DRC11: variants seen among roughly 807,000 people sequenced by gnomAD.
DRC11 encodes IQ and AAA domain-containing protein 1.
At chr2:236,344,243 C>T in the DRC11 span, among the ~76,000 whole-genome samples, 1 of 152,160 alleles carries the variant, frequency 6.6e-6, no homozygotes, top group African/African-American at 2.4e-5. Context: ...CTAATAATAA[C>T]TCCTATGTGT....
chr2:236,477,661 G>C, the DRC11 span, among the ~76,000 whole-genome samples: 2 of 152,116 alleles, frequency 1.3e-5, no homozygotes, highest in Non-Finnish European at 2.9e-5. Flanking sequence ...AATCCATCAG[G>C]TCCTGGGCTT....
At chr2:236,404,073 C>T in the DRC11 span, among the ~76,000 whole-genome samples, 2 of 151,358 alleles carry the variant, frequency 1.3e-5, no homozygotes, top group Non-Finnish European at 2.9e-5. Context: ...CTAGCCATGA[C>T]CCGAGTTCTG....
chr2:236,313,519 G>A, the DRC11 span, among the ~76,000 whole-genome samples: 1 of 152,118 alleles, frequency 6.6e-6, no homozygotes, highest in Admixed American at 6.5e-5. The surrounding 1 kb of genome is among the most constrained non-coding windows in gnomAD (Gnocchi z 4.5). Context: ...TTCTTATAAA[G>A]CTAAACATAC....
At chr2:236,344,619 C>T in the DRC11 span, 5 of 1,613,696 alleles carry the variant, frequency 3.1e-6, no homozygotes, top group South Asian at 3.3e-5. Context: ...ATCCACACCA[C>T]GGAGGGCTGG....
the DRC11 span, among the ~76,000 whole-genome samples, chr2:236,463,903 T>C: frequency 2.6e-5 from 4 of 152,310 alleles, no homozygotes; most frequent in East Asian, 7.7e-4. This position sits in a 1 kb window ranked among gnomAD's most constrained non-coding sequence, Gnocchi z 5.0. Context: ...GTCGAGGGGA[T>C]CCACTTCCAA....
the DRC11 span, among the ~76,000 whole-genome samples, chr2:236,432,847 GT>G: frequency 6.6e-6 from 1 of 151,942 alleles, no homozygotes; most frequent in Non-Finnish European, 1.5e-5. Context: ...CCATTCTGAG[GT>G]TATGACATAT....
At chr2:236,316,193 C>G in the DRC11 span, among the ~76,000 whole-genome samples, 2 of 149,866 alleles carry the variant, frequency 1.3e-5, no homozygotes, top group Non-Finnish European at 2.9e-5. This position sits in a 1 kb window ranked among gnomAD's most constrained non-coding sequence, Gnocchi z 6.8. Context: ...GATGGAGTCT[C>G]ACTCTGTTGC....
At chr2:236,468,153 A>G in the DRC11 span, among the ~76,000 whole-genome samples, 1 of 152,172 alleles carries the variant, frequency 6.6e-6, no homozygotes. Context: ...CTGGAGTACA[A>G]TGGCACAATC....
the DRC11 span, among the ~76,000 whole-genome samples, chr2:236,379,336 C>T: frequency 4.0e-5 from 4 of 98,976 alleles, no homozygotes; most frequent in East Asian, 9.6e-4. Flanking sequence ...GGGAGGGAAC[C>T]CCCAAACAGG....
the DRC11 span, among the ~76,000 whole-genome samples, chr2:236,416,233 C>G: frequency 6.6e-6 from 1 of 152,138 alleles, no homozygotes; most frequent in Non-Finnish European, 1.5e-5. Flanking sequence ...GCTGGGAGAA[C>G]CCTTGGAGTT....
chr2:236,386,978 TGAGA>T, the DRC11 span, among the ~76,000 whole-genome samples: 1 of 149,252 alleles, frequency 6.7e-6, no homozygotes, highest in Non-Finnish European at 1.5e-5. Flanking sequence ...TGGTTTTGAG[TGAGA>T]TTCTTAATCC....
At chr2:236,343,170 A>C in the DRC11 span, among the ~76,000 whole-genome samples, 2 of 151,924 alleles carry the variant, frequency 1.3e-5, no homozygotes, top group Non-Finnish European at 2.9e-5. The surrounding 1 kb of genome is among the most constrained non-coding windows in gnomAD (Gnocchi z 6.6). Flanking sequence ...CACTCCCTTT[A>C]TGCGAGGGTG....
At chr2:236,363,493 A>G in the DRC11 span, among the ~76,000 whole-genome samples, 3 of 152,224 alleles carry the variant, frequency 2.0e-5, no homozygotes, top group African/African-American at 7.2e-5. The surrounding 1 kb of genome is among the most constrained non-coding windows in gnomAD (Gnocchi z 5.6). Flanking sequence ...GGCCGAGCAA[A>G]GAAATTGTGG....
the DRC11 span, among the ~76,000 whole-genome samples, chr2:236,307,750 T>G: frequency 3.4e-4 from 51 of 152,230 alleles, 1 homozygote; most frequent in Admixed American, 3.1e-3. The surrounding 1 kb of genome is among the most constrained non-coding windows in gnomAD (Gnocchi z 7.0). Context: ...AATTAAAATC[T>G]GATGGAAGCA....
chr2:236,338,295 G>A, the DRC11 span: 55 of 1,613,736 alleles, frequency 3.4e-5, 1 homozygote, highest in East Asian at 4.9e-4. Context: ...AAGGGACGCC[G>A]TGTGGTCCCC....
At chr2:236,393,972 T>C in the DRC11 span, among the ~76,000 whole-genome samples, 1 of 152,164 alleles carries the variant, frequency 6.6e-6, no homozygotes, top group Non-Finnish European at 1.5e-5. This position sits in a 1 kb window ranked among gnomAD's most constrained non-coding sequence, Gnocchi z 4.7. Context: ...ATGGTGATGG[T>C]AAATGGAATA....
At chr2:236,321,400 A>G in the DRC11 span, among the ~76,000 whole-genome samples, 2 of 152,240 alleles carry the variant, frequency 1.3e-5, no homozygotes, top group African/African-American at 2.4e-5. Context: ...AAGAAGGTAG[A>G]ACAGTATATA....
chr2:236,412,250 T>C, the DRC11 span, among the ~76,000 whole-genome samples: 3 of 152,152 alleles, frequency 2.0e-5, no homozygotes, highest in African/African-American at 7.2e-5. Flanking sequence ...ACCTTCCTTT[T>C]ATCCTTCCAG....
chr2:236,431,415 T>G, the DRC11 span, among the ~76,000 whole-genome samples: 2 of 152,158 alleles, frequency 1.3e-5, no homozygotes, highest in African/African-American at 4.8e-5. This position sits in a 1 kb window ranked among gnomAD's most constrained non-coding sequence, Gnocchi z 4.2. Flanking sequence ...GAAAAGCCCC[T>G]TATAAAGTCA....
Sources: gnomAD v4.1 joint callset for allele counts (sites outside exome capture counted in the v4.1 genomes callset) on GRCh38, gnomAD v4.1.1 for gene constraint, Gnocchi (gnomAD v3.1) non-coding constraint, MANE v1.5 for transcripts, NCBI Gene and HGNC (gene_info 2026-07-23, HGNC 2026-07-21) for gene names.